The following ZSCAN25 variants were observed in gnomAD, a reference collection of about 807,000 sequenced individuals.
ZSCAN25 encodes the protein zinc finger and SCAN domain containing 25.
In ZSCAN25, 27 loss-of-function variants were observed where a neutral mutation model predicts 38.7. The observed-to-expected ratio is 0.70, with a 90% confidence interval of 0.51 to 0.96. ZSCAN25 has a LOEUF of 0.96. Among genes scored for constraint, ZSCAN25 ranks in the 40% least tolerant of loss-of-function variants. The pLI is 0.00. For synonymous variants in ZSCAN25, 273 were observed against 277.7 expected (o/e 0.98, Z 0.17); for missense variants, 637 against 705.9 (o/e 0.90, Z 1.11).
At chr7:99,627,156 G>A (rs1016648779) in intron 7 of ZSCAN25, among the ~76,000 whole-genome samples, 4 of 152,152 alleles carry the variant, frequency 2.6e-5, no homozygotes, top group South Asian at 2.1e-4. Flanking sequence ...GAATGATATG[G>A]AAGTTGGAGG....
Position 99,630,654 on chromosome 7 carries a change from C to G in ZSCAN25, c.*634C>G. The G allele has an allele frequency of 3.0e-6, 3 of 985,674 alleles. No individual in the cohort carries two copies. The highest frequency in any genetic ancestry group is 3.6e-6 in the Non-Finnish European group (3 of 830,118). The allele number at this position is 985,674 out of a possible 1,614,324, so 61.1% of individuals were successfully genotyped here. ...CTGCCCCGTGCTGGATCTTCCCTCC[C>G]CAGCTGGGATCTGCTCCCAGGCAAC... On this transcript the variant is annotated 3_prime_UTR_variant, in exon 8 of 8. Transcript: ENST00000394152.
the ZSCAN25 span, chr7:99,708,032 C>T: frequency 1.2e-6 from 2 of 1,612,114 alleles, no homozygotes; most frequent in Admixed American, 3.3e-5. Context: ...CTAAGAGTTA[C>T]ATGTTAGGGT....
At chr7:99,640,563 G>T in the ZSCAN25 span, among the ~76,000 whole-genome samples, 4 of 152,176 alleles carry the variant, frequency 2.6e-5, no homozygotes, top group African/African-American at 9.7e-5. Context: ...CTAGCTGTTT[G>T]TTGAGCCACC....
At chr7:99,676,071 G>T in the ZSCAN25 span, 1 of 1,549,320 alleles carries the variant, frequency 6.5e-7, no homozygotes, top group Non-Finnish European at 8.9e-7. Context: ...CTAAGCTGAT[G>T]TTTGCAACCA....
At chr7:99,718,163 C>T in the ZSCAN25 span, among the ~76,000 whole-genome samples, 1 of 152,038 alleles carries the variant, frequency 6.6e-6, no homozygotes, top group African/African-American at 2.4e-5. Context: ...AGGAGTTATA[C>T]CTAATGTTAA....
the ZSCAN25 span, among the ~76,000 whole-genome samples, chr7:99,664,474 C>T: frequency 6.6e-6 from 1 of 152,150 alleles, no homozygotes; most frequent in African/African-American, 2.4e-5. Flanking sequence ...ATTAACACAG[C>T]ATATGTACAT....
At chr7:99,709,901 T>C in the ZSCAN25 span, among the ~76,000 whole-genome samples, 5 of 152,148 alleles carry the variant, frequency 3.3e-5, no homozygotes, top group East Asian at 7.7e-4. Flanking sequence ...GAGGAAAAAC[T>C]AGTCCCTTTC....
At chr7:99,628,945 G>C (rs950862695) in intron 7 of ZSCAN25, among the ~76,000 whole-genome samples, 15 of 152,322 alleles carry the variant, frequency 9.8e-5, no homozygotes, top group African/African-American at 3.6e-4. Flanking sequence ...GCTACATTTT[G>C]TAAGAAGTAA....
At chr7:99,733,736 G>A in the ZSCAN25 span, among the ~76,000 whole-genome samples, 4 of 152,148 alleles carry the variant, frequency 2.6e-5, no homozygotes, top group African/African-American at 4.8e-5. Context: ...TACCCTGAGG[G>A]GTAAGGAATA....
At chr7:99,705,419 T>C in the ZSCAN25 span, 1 of 1,482,680 alleles carries the variant, frequency 6.7e-7, no homozygotes, top group Admixed American at 1.7e-5. Flanking sequence ...ATTTCAGGGT[T>C]CTATTTGTAA....
At chr7:99,681,768 CTT>C in the ZSCAN25 span, among the ~76,000 whole-genome samples, 1 of 152,100 alleles carries the variant, frequency 6.6e-6, no homozygotes, top group African/African-American at 2.4e-5. Flanking sequence ...TGTGTCTTCA[CTT>C]TGTTGATTGC....
the ZSCAN25 span, among the ~76,000 whole-genome samples, chr7:99,674,827 A>G: frequency 1.2e-3 from 182 of 152,354 alleles, no homozygotes; most frequent in Non-Finnish European, 1.7e-3. Context: ...ACCCTTGTCT[A>G]TGACCAGTAA....
chr7:99,731,566 T>C, the ZSCAN25 span, among the ~76,000 whole-genome samples: 5 of 152,228 alleles, frequency 3.3e-5, no homozygotes, highest in African/African-American at 4.8e-5. Context: ...TTTTGTCTTC[T>C]GCAGTGATGA....
chr7:99,697,934 T>A, the ZSCAN25 span, among the ~76,000 whole-genome samples: 2 of 152,232 alleles, frequency 1.3e-5, no homozygotes, highest in African/African-American at 4.8e-5. Flanking sequence ...TTACGTGATC[T>A]CTCAGGTCAG....
the ZSCAN25 span, among the ~76,000 whole-genome samples, chr7:99,699,309 A>G: frequency 1.3e-5 from 2 of 152,172 alleles, no homozygotes; most frequent in Admixed American, 6.5e-5. Context: ...TTGCAAGGTA[A>G]ATAGTTCTGT....
At chr7:99,642,094 G>A in the ZSCAN25 span, among the ~76,000 whole-genome samples, 72 of 152,118 alleles carry the variant, frequency 4.7e-4, 1 homozygote, top group Middle Eastern at 0.014. Context: ...ACTTTCTCAA[G>A]CCCTTTACAC....
chr7:99,627,203 G>A (rs1807550212), intron 7 of ZSCAN25, among the ~76,000 whole-genome samples: 1 of 152,184 alleles, frequency 6.6e-6, no homozygotes, highest in Admixed American at 6.5e-5. Context: ...TTCAGCATTT[G>A]TCTAACAATG....
At chr7:99,618,005 T>C (rs1806615573) in intron 1 of ZSCAN25, 1 of 152,222 alleles carries the variant, frequency 6.6e-6, no homozygotes, top group African/African-American at 2.4e-5. Context: ...AATATAAACT[T>C]GGTTTAAGTG....
the ZSCAN25 span, among the ~76,000 whole-genome samples, chr7:99,691,032 T>C: frequency 0.019 from 2,878 of 152,274 alleles, 101 homozygotes; most frequent in African/African-American, 0.065. Context: ...AGCAAAGACT[T>C]GGAACCAACC....
Sources: allele counts gnomAD v4.1 joint callset (sites outside exome capture counted in the v4.1 genomes callset), GRCh38; gene constraint gnomAD v4.1.1; transcripts MANE v1.5; gene names NCBI Gene and HGNC (gene_info 2026-07-23, HGNC 2026-07-21).